Variants in PSKH2 observed in about 807,000 individuals in gnomAD.
The protein encoded by PSKH2 is protein serine kinase H2.
A neutral mutation model predicts 22.5 loss-of-function variants in PSKH2; 16 were observed. That is an observed-to-expected ratio of 0.71 (90% confidence interval 0.48 to 1.08). The LOEUF (loss-of-function observed/expected upper bound fraction) is 1.08. Among genes scored for constraint, PSKH2 ranks in the 50% least tolerant of loss-of-function variants. The probability of loss-of-function intolerance (pLI) is 0.00; values close to 1 mark genes in which losing one functional copy is unlikely to be tolerated. For synonymous variants in PSKH2, 188 were observed against 184.8 expected, an observed-to-expected ratio of 1.02 and a Z score of -0.14; for missense variants, 516 against 492.8, an observed-to-expected ratio of 1.05 and a Z score of -0.44.
At chr8:86,050,088 T>C (rs1002000445) in intron 2 of PSKH2, among the ~76,000 whole-genome samples, 4 of 152,248 alleles carry the variant, frequency 2.6e-5, no homozygotes, top group Admixed American at 1.3e-4. Flanking sequence ...ATAGTGGCAG[T>C]GTTTACAGCA....
chr8:86,068,752 G>T (rs1817900894), intron 1 of PSKH2, among the ~76,000 whole-genome samples: 1 of 152,132 alleles, frequency 6.6e-6, no homozygotes, highest in African/African-American at 2.4e-5. Flanking sequence ...CACCAGGTCT[G>T]GCAGGACCCA....
chr8:86,067,081 T>G (rs1817875780), intron 1 of PSKH2, among the ~76,000 whole-genome samples: 1 of 151,954 alleles, frequency 6.6e-6, no homozygotes, highest in African/African-American at 2.4e-5. Context: ...AAACTACCAT[T>G]TCTGAGAACT....
chr8:86,062,027 G>C (rs1452863812), intron 2 of PSKH2, among the ~76,000 whole-genome samples: 1 of 152,160 alleles, frequency 6.6e-6, no homozygotes, highest in Admixed American at 6.5e-5. Context: ...AAATCAAAAT[G>C]ATCCAAATCA....
intron 1 of PSKH2, among the ~76,000 whole-genome samples, chr8:86,067,073 A>G (rs1199545093): frequency 2.0e-5 from 3 of 152,152 alleles, no homozygotes; most frequent in African/African-American, 7.2e-5. Context: ...TATCAAACAA[A>G]CTACCATTTC....
Position 86,048,586 on chromosome 8 carries a change from G to A in PSKH2, c.1034C>T (p.Ser345Phe). The A allele has an allele frequency of 6.2e-7, 1 of 1,614,116 alleles. No individual in the cohort carries two copies. The highest frequency in any genetic ancestry group is 8.5e-7 in the Non-Finnish European group (1 of 1,180,006). ...AGATCCAGGACTCTGAGAGTGGGGA[G>A]AGGCCCTCTGCATGAGGTTTCGGGA... is the stretch of plus-strand genomic sequence containing the variant. ...AISRNLMQRA[S>F]PHSQSPGSAQ... Residue 345 changes from serine to phenylalanine, a missense_variant, in exon 3 of 3, where the codon TCT becomes TTT. Physicochemically the swap from Ser to Phe is radical, Grantham distance 155. Coordinates refer to ENST00000276616, the MANE Select transcript of PSKH2 (RefSeq NM_033126.3).
At position 86,064,448 on chromosome 8, in the gene PSKH2, G is replaced by A; in HGVS notation, c.369C>T (p.Leu123=). 6.2e-7 allele frequency: 1 copy of A among 1,614,030 alleles called. No homozygotes were observed. Residue 123 remains leucine (L), a synonymous_variant, in exon 2 of 3, where the codon CTC becomes CTT. Transcript: ENST00000276616. ...RRVSHRYIVQ[L]MEIFETEDQV... The stretch of plus-strand genomic sequence containing the variant: ...GATCCTCAGTCTCAAAGATCTCCAT[G>A]AGCTGGACAATGTAACGATGGCTAA...
rs954324412 is a variant in PSKH2, at chr8:86,047,151, C to T, written c.*1311G>A. Among the ~76,000 whole-genome samples the T allele has an allele frequency of 1.3e-5, 2 of 152,208 alleles. No homozygotes were observed. The highest frequency in any genetic ancestry group is 4.8e-5 in the African/African-American group (2 of 41,544). ...ATTTTTATTTTCATTTTGTAAATTA[C>T]AAATGAAATGAAGCATTTTTTTCAT... On this transcript the variant is annotated 3_prime_UTR_variant, in exon 3 of 3. Coordinates refer to ENST00000276616, the MANE Select transcript of PSKH2 (RefSeq NM_033126.3).
intron 2 of PSKH2, 85 bp downstream of exon 2, chr8:86,063,880 C>T: frequency 9.1e-7 from 1 of 1,095,408 alleles, no homozygotes; most frequent in South Asian, 1.6e-5. Flanking sequence ...CCCCAAAAAT[C>T]ATCCAGTCTT....
intron 1 of PSKH2, among the ~76,000 whole-genome samples, chr8:86,065,751 CTGTT>C (rs1203764832): frequency 6.6e-6 from 1 of 152,054 alleles, no homozygotes; most frequent in Non-Finnish European, 1.5e-5. Flanking sequence ...GGTGGGAAGA[CTGTT>C]TGAGCCTAGG....
At chr8:86,058,443 A>T (rs1029165003) in intron 2 of PSKH2, among the ~76,000 whole-genome samples, 1 of 152,218 alleles carries the variant, frequency 6.6e-6, no homozygotes, top group African/African-American at 2.4e-5. Flanking sequence ...CAAAACAGTT[A>T]TATCTGAGAT....
chr8:86,048,869 ATCC>A, intron 2 of PSKH2, 102 bp from the exon 3 acceptor site: 1 of 1,103,020 alleles, frequency 9.1e-7, no homozygotes, highest in Admixed American at 2.9e-5. Context: ...TGCCAATCGA[ATCC>A]AAAAAACTTT....
chr8:86,064,073 A>G lies in PSKH2; in HGVS notation c.744T>C (p.Leu248=). The G allele has an allele frequency of 6.2e-7, 1 of 1,614,130 alleles. No individual in the cohort carries two copies. The highest frequency in any genetic ancestry group is 8.5e-7 in the Non-Finnish European group (1 of 1,179,974). Residue 248 remains leucine (L), a synonymous_variant, in exon 2 of 3, where the codon CTT becomes CTC. Coordinates refer to ENST00000276616, the MANE Select transcript of PSKH2 (RefSeq NM_033126.3). ...TAAGTAAAGCATATGTGATCACACC[A>G]AGAGCCCACATGTCCACTGCACTGG... is the stretch of plus-strand genomic sequence containing the variant. ...PYTSAVDMWA[L]GVITYALLSG... is the part of the protein sequence containing the mutation.
At chr8:86,068,417 T>C (rs901466311) in intron 1 of PSKH2, among the ~76,000 whole-genome samples, 8 of 152,186 alleles carry the variant, frequency 5.3e-5, no homozygotes, top group Admixed American at 3.9e-4. Context: ...CCAACCAACC[T>C]GAAATCTTCT....
intron 2 of PSKH2, among the ~76,000 whole-genome samples, chr8:86,059,335 C>G (rs982743339): frequency 6.6e-6 from 1 of 150,578 alleles, no homozygotes; most frequent in Non-Finnish European, 1.5e-5. Context: ...AAAAGAAAAC[C>G]TTTCTGAAAA....
chr8:86,057,834 A>G (rs1817723853), intron 2 of PSKH2, among the ~76,000 whole-genome samples: 2 of 152,144 alleles, frequency 1.3e-5, no homozygotes, highest in Non-Finnish European at 2.9e-5. Flanking sequence ...ACCCTGACCC[A>G]GTTTTCCTAA....
intron 1 of PSKH2, chr8:86,066,376 T>TC (rs1164564018): frequency 1.3e-5 from 2 of 151,790 alleles, no homozygotes; most frequent in African/African-American, 4.8e-5. Flanking sequence ...ATTTTTGTAT[T>TC]TTTTTTAGTA....
intron 2 of PSKH2, among the ~76,000 whole-genome samples, chr8:86,055,001 A>T (rs969110905): frequency 6.6e-6 from 1 of 152,138 alleles, no homozygotes; most frequent in African/African-American, 2.4e-5. Flanking sequence ...TGGCCTTTGA[A>T]CCCCAAATCA....
At position 86,069,491 on chromosome 8, in the gene PSKH2, C is replaced by T; in HGVS notation, c.132G>A (p.Gln44=). The T allele has an allele frequency of 4.3e-6, 7 of 1,609,512 alleles. No individual in the cohort carries two copies. Among genetic ancestry groups the T allele is most frequent in the Non-Finnish European group, 5.9e-6 (7 of 1,178,678 alleles). Residue 44 remains glutamine (Q), a synonymous_variant, in exon 1 of 3, where the codon CAG becomes CAA. Transcript: ENST00000276616. ...CTCGGAAGCGAGCCACCTGTATCCT[C>T]TGCGCCGCCTGGGCCGCCGCCTCGG... ...PGPEAAAQAA[Q]RIQVARFRAK...
rs140263885 is a variant in PSKH2 at position 86,059,997 on chromosome 8, C to T, written c.852+3968G>A. The stretch of plus-strand genomic sequence containing the variant: ...GGATTTCTCTGAGACCCATTATCAG[C>T]CTTATCCTAAACTAGGAAAGATTAA... On this transcript the variant is annotated intron_variant, in intron 2 of 2. Coordinates refer to ENST00000276616, the MANE Select transcript of PSKH2 (RefSeq NM_033126.3). Among the ~76,000 whole-genome samples the T allele has an allele frequency of 2.2e-3, 336 of 152,256 alleles. 8 individuals are homozygous for T. The highest frequency in any genetic ancestry group is 4.0e-4 in the Non-Finnish European group (27 of 68,022).
Sources: gnomAD v4.1 joint callset for allele counts (sites outside exome capture counted in the v4.1 genomes callset) on GRCh38, gnomAD v4.1.1 for gene constraint, MANE v1.5 for transcripts, NCBI Gene and HGNC (gene_info 2026-07-23, HGNC 2026-07-21) for gene names.